The following DCTD variants were observed in gnomAD, a reference collection of about 807,000 sequenced individuals.
The protein encoded by DCTD is dCMP deaminase.
A neutral mutation model predicts 21.0 loss-of-function variants in DCTD; 23 were observed. The observed-to-expected ratio is 1.09, with a 90% CI of 0.79 to 1.55. The LOEUF is 1.55. Among genes scored for constraint, DCTD ranks in the 40% most tolerant of loss-of-function variants. DCTD has a pLI of 0.00. For synonymous variants in DCTD, 71 were observed against 81.1 expected (o/e 0.88, Z 0.67); for missense variants, 224 against 230.0 (o/e 0.97, Z 0.17).
At chr4:182,894,343 C>CA (rs1734333657) in intron 4 of DCTD, 146 bp downstream of exon 4, 1 of 588,464 alleles carries the variant, frequency 1.7e-6, no homozygotes, top group African/African-American at 1.9e-5. Flanking sequence ...CATTCAAAAA[C>CA]AAAACACGGG....
At chr4:182,904,126 G>A (rs1008046856) in intron 3 of DCTD, among the ~76,000 whole-genome samples, 2 of 152,074 alleles carry the variant, frequency 1.3e-5, no homozygotes, top group East Asian at 1.9e-4. Context: ...CTAAAGCTGC[G>A]GATGACAACT....
At chr4:182,909,025 C>T (rs994647395) in intron 3 of DCTD, among the ~76,000 whole-genome samples, 2 of 152,194 alleles carry the variant, frequency 1.3e-5, no homozygotes, top group East Asian at 1.9e-4. Context: ...AGGTCCAATC[C>T]CCAAACATTT....
Position 182,899,632 on chromosome 4 carries a change from C to T in DCTD, c.245-5027G>A, listed in dbSNP as rs1288905117. Among the ~76,000 whole-genome samples the T allele has an allele frequency of 2.9e-4, 44 of 152,086 alleles. 1 individual carries two copies. Among genetic ancestry groups the T allele is most frequent in the Admixed American group, 2.7e-3 (42 of 15,278 alleles). On this transcript the variant is annotated intron_variant, in intron 3 of 5. Coordinates refer to ENST00000438320, the MANE Select transcript of DCTD (RefSeq NM_001921.3). ...GCCAGGCTGGTCTGGAACTCCTGAC[C>T]TCAGGTGATCCACCTGCCTCGGCCT...
At chr4:182,916,914 G>C in intron 1 of DCTD, 1 of 1,007,286 alleles carries the variant, frequency 9.9e-7, no homozygotes. Context: ...GACACATCCG[G>C]TCACCGTCCC....
Position 182,894,534 on chromosome 4 carries a change from C to T in DCTD, c.316G>A (p.Ala106Thr), listed in dbSNP as rs1398556445. The change falls in exon 4 of 6, where the codon GCC becomes ACC. Residue 106 changes from alanine (A) to threonine (T), a missense_variant. Ala to Thr is a moderately conservative substitution (Grantham distance 58, BLOSUM62 0). Coordinates refer to ENST00000438320, the MANE Select transcript of DCTD (RefSeq NM_001921.3). ...GCGCATTCATTACAAGGGAACAAGG[C>T]AACATACATACTACAGCCTTTCACA... ...TDVKGCSMYV[A>T]LFPCNECAKL... 8.1e-6 allele frequency: 13 copies of T among 1,613,968 alleles called. No individual in the cohort carries two copies. The African/African-American group carries it at 1.2e-4, about 15-fold the overall frequency.
chr4:182,899,316 T>A (rs1173995546), intron 3 of DCTD, among the ~76,000 whole-genome samples: 2 of 152,234 alleles, frequency 1.3e-5, no homozygotes, highest in Admixed American at 6.5e-5. Context: ...GTAGGTCCTT[T>A]TATTTTTCCT....
At chr4:182,906,109 T>C (rs1212985623) in intron 3 of DCTD, among the ~76,000 whole-genome samples, 2 of 151,090 alleles carry the variant, frequency 1.3e-5, no homozygotes, top group Non-Finnish European at 2.9e-5. Context: ...GTTTCCACTC[T>C]TGCCCCAGAA....
At chr4:182,912,025 AC>A (rs1045585575) in intron 3 of DCTD, among the ~76,000 whole-genome samples, 2 of 152,110 alleles carry the variant, frequency 1.3e-5, no homozygotes, top group Non-Finnish European at 2.9e-5. Flanking sequence ...CTATGAATTT[AC>A]CCTTCCTGCT....
Position 182,915,190 on chromosome 4 carries a change from C to T in DCTD, c.109-132G>A, listed in dbSNP as rs575610355. 7.0e-5 allele frequency: 85 copies of T among 1,206,634 alleles called. 1 individual carries two copies. The South Asian group carries it at 1.1e-3, about 16-fold the overall frequency. The allele number at this position is 1,206,634 out of a possible 1,614,324, so 74.7% of individuals were successfully genotyped here. On this transcript the variant is annotated intron_variant, in intron 2 of 5. Transcript: ENST00000438320. ...AGCTGCTGCAGGTGCTGAGAGCTGT[C>T]GGTCTCCTTGCCTGGTTTTTTGTGG...
intron 3 of DCTD, among the ~76,000 whole-genome samples, chr4:182,909,965 G>T (rs1023510394): frequency 2.6e-5 from 4 of 152,308 alleles, no homozygotes; most frequent in Admixed American, 1.3e-4. Flanking sequence ...ATTAATTCCA[G>T]GTTTTTCAGC....
chr4:182,917,369 G>C lies in DCTD; in HGVS notation c.-66C>G, dbSNP rs1034518077. The C allele has an allele frequency of 1.8e-6, 2 of 1,093,108 alleles. No homozygotes were observed. The highest frequency in any genetic ancestry group is 2.2e-6 in the Non-Finnish European group (2 of 900,014). The allele number at this position is 1,093,108 out of a possible 1,614,324, so 67.7% of individuals were successfully genotyped here. ...TCGTCCCCGCCGCCGCCGTGCTCAGGGAAGGAAGTCGGGGGAGGAGGCGGG... is the reference window on the plus strand; with the variant it reads ...TCGTCCCCGCCGCCGCCGTGCTCAGCGAAGGAAGTCGGGGGAGGAGGCGGG... On this transcript the variant is annotated 5_prime_UTR_variant, in exon 1 of 6. Transcript: ENST00000438320. The surrounding 1 kb of genome is among the most constrained non-coding windows in gnomAD (Gnocchi z 4.9).
In DCTD at chr4:182,893,775, C is replaced by G. The variant is rs112256194; in HGVS notation, c.362-648G>C. 2.3e-3 allele frequency among the ~76,000 whole-genome samples: 343 copies of G among 152,356 alleles called. 3 individuals are homozygous for G. Among genetic ancestry groups the G allele is most frequent in the African/African-American group, 8.1e-3 (335 of 41,580 alleles). ...GAGAGCTTCCCAGGAACGGTGACGGCGACAGCCAGGGAGCCCACGCGACTC... is the reference window on the plus strand; with the variant it reads ...GAGAGCTTCCCAGGAACGGTGACGGGGACAGCCAGGGAGCCCACGCGACTC... On this transcript the variant is annotated intron_variant, in intron 4 of 5. Transcript: ENST00000438320.
intron 3 of DCTD, among the ~76,000 whole-genome samples, chr4:182,910,627 A>G (rs925628840): frequency 3.3e-5 from 5 of 152,204 alleles, no homozygotes; most frequent in Non-Finnish European, 7.3e-5. Context: ...ATCTGAAAAG[A>G]TTCTTAGTAT....
intron 5 of DCTD, 29 bp downstream of exon 5, chr4:182,893,002 G>A (rs372784307): frequency 8.0e-5 from 107 of 1,342,714 alleles, no homozygotes; most frequent in Middle Eastern, 1.9e-4. Context: ...ACCCTACCCC[G>A]TCCCCCCGCC....
At chr4:182,910,296 CTTAAG>C (rs1489580987) in intron 3 of DCTD, among the ~76,000 whole-genome samples, 2 of 152,216 alleles carry the variant, frequency 1.3e-5, no homozygotes, top group African/African-American at 4.8e-5. Context: ...TAAAAATTCC[CTTAAG>C]TTTAACAACG....
At chr4:182,901,375 T>G (rs1425750167) in intron 3 of DCTD, among the ~76,000 whole-genome samples, 1 of 152,198 alleles carries the variant, frequency 6.6e-6, no homozygotes, top group Non-Finnish European at 1.5e-5. Flanking sequence ...TCCAGGTTGC[T>G]TAAAAATCCC....
chr4:182,897,813 G>A (rs1458223691), intron 3 of DCTD, among the ~76,000 whole-genome samples: 1 of 152,166 alleles, frequency 6.6e-6, no homozygotes, highest in South Asian at 2.1e-4. Flanking sequence ...ACCTGAGGCC[G>A]CAACCCAGCC....
Position 182,914,924 on chromosome 4 carries a change from G to A in DCTD, c.243C>T (p.Tyr81=), listed in dbSNP as rs150650253. 2.5e-5 allele frequency: 40 copies of A among 1,614,060 alleles called. No homozygotes were observed. The highest frequency in any genetic ancestry group is 9.9e-5 in the South Asian group (9 of 91,080). ...AENKLDTKYP[Y]VCHAELNAIM... ...AATGGGACATAAAACTTGCCCTACC[G>A]TACGGGTATTTGGTGTCCAGCTTAT... Residue 81 remains tyrosine, a splice_region_variant and synonymous_variant, in exon 3 of 6, where the codon TAC becomes TAT. Transcript: ENST00000438320.
rs1738881359 is a variant in DCTD at position 182,917,134 on chromosome 4, C to A, written c.-8+177G>T. The A allele has an allele frequency of 2.0e-6, 2 of 987,818 alleles. No individual in the cohort carries two copies. Among genetic ancestry groups the A allele is most frequent in the Middle Eastern group, 5.2e-4 (1 of 1,928 alleles). 61.2% of individuals were successfully genotyped at this position (987,818 alleles called of 1,614,324 possible). On this transcript the variant is annotated intron_variant, in intron 1 of 5. Coordinates refer to ENST00000438320, the MANE Select transcript of DCTD (RefSeq NM_001921.3). This position sits in a 1 kb window ranked among gnomAD's most constrained non-coding sequence, Gnocchi z 4.9. ...GTGACTGCGGGGACCCCGAGCGCCCCCACCCCGCCCGCATTCTCCGATCTA... is the reference window on the plus strand; with the variant it reads ...GTGACTGCGGGGACCCCGAGCGCCCACACCCCGCCCGCATTCTCCGATCTA...
Sources: gnomAD v4.1 joint callset for allele counts (sites outside exome capture counted in the v4.1 genomes callset) on GRCh38, gnomAD v4.1.1 for gene constraint, Gnocchi (gnomAD v3.1) non-coding constraint, MANE v1.5 for transcripts, NCBI Gene and HGNC (gene_info 2026-07-23, HGNC 2026-07-21) for gene names.